ZFPM2: variants seen among roughly 807,000 people sequenced by gnomAD.
ZFPM2 encodes zinc finger protein, FOG family member 2.
In ZFPM2, 20 loss-of-function variants were observed where a neutral mutation model predicts 98.6. That is an observed-to-expected ratio of 0.20 (90% CI 0.14 to 0.29). The LOEUF (loss-of-function observed/expected upper bound fraction) is 0.29. ZFPM2 is among the 10% of genes least tolerant of loss of function. The pLI, the probability that ZFPM2 is intolerant of heterozygous loss-of-function variation, is 1.00. For synonymous variants in ZFPM2, 518 were observed against 502.7 expected (o/e 1.03, Z -0.41); for missense variants, 1,310 against 1,388.6 (o/e 0.94, Z 0.90).
At chr8:105,468,316 C>T (rs1812832374) in intron 3 of ZFPM2, among the ~76,000 whole-genome samples, 1 of 152,056 alleles carries the variant, frequency 6.6e-6, no homozygotes, top group Admixed American at 6.6e-5. Context: ...GTGGCCATTA[C>T]CCCTGTAACC....
chr8:105,492,226 A>C (rs1813369309), intron 3 of ZFPM2, among the ~76,000 whole-genome samples: 1 of 152,188 alleles, frequency 6.6e-6, no homozygotes, highest in East Asian at 1.9e-4. Flanking sequence ...TTAAAACACT[A>C]GTCTCCACAA....
At chr8:105,576,055 C>T (rs141642993) in intron 4 of ZFPM2, among the ~76,000 whole-genome samples, 307 of 152,200 alleles carry the variant, frequency 2.0e-3, no homozygotes, top group Non-Finnish European at 3.4e-3. Flanking sequence ...GCTTTAGAAA[C>T]GGATCTGCTA....
chr8:105,509,884 A>T (rs11985472), intron 3 of ZFPM2, among the ~76,000 whole-genome samples: 61 of 152,314 alleles, frequency 4.0e-4, no homozygotes, highest in African/African-American at 1.5e-3. Context: ...AAACACGAGG[A>T]TTTATTTTTC....
At chr8:105,394,893 T>G (rs1811190581) in intron 1 of ZFPM2, among the ~76,000 whole-genome samples, 1 of 152,216 alleles carries the variant, frequency 6.6e-6, no homozygotes, top group Non-Finnish European at 1.5e-5. Flanking sequence ...AAACAAGGGA[T>G]GCCTGTTTGT....
intron 3 of ZFPM2, among the ~76,000 whole-genome samples, chr8:105,557,885 C>T (rs1815035514): frequency 6.6e-6 from 1 of 152,140 alleles, no homozygotes; most frequent in Non-Finnish European, 1.5e-5. Context: ...TGCCCTTCTA[C>T]TTCTCATAAT....
intron 4 of ZFPM2, among the ~76,000 whole-genome samples, chr8:105,588,118 T>G (rs543084460): frequency 2.0e-4 from 30 of 152,292 alleles, no homozygotes; most frequent in South Asian, 1.5e-3. Flanking sequence ...GCATTTATAA[T>G]AAAATATTGT....
intron 2 of ZFPM2, among the ~76,000 whole-genome samples, chr8:105,427,814 C>CT (rs1811944910): frequency 6.6e-6 from 1 of 152,316 alleles, no homozygotes; most frequent in African/African-American, 2.4e-5. Flanking sequence ...GTTTCAGCTT[C>CT]TTTTTTGTCA....
chr8:105,352,018 G>T lies in ZFPM2; in HGVS notation c.40+33037G>T, dbSNP rs556963901. On this transcript the variant is annotated intron_variant, in intron 1 of 7. Coordinates refer to ENST00000407775, the MANE Select transcript of ZFPM2 (RefSeq NM_012082.4). The stretch of plus-strand genomic sequence containing the variant: ...CCAGAATCTTGAGAGGGGCACCCAG[G>T]ATTCAGGGTTTTAAGATGCCCTGCA... 3.3e-5 allele frequency among the ~76,000 whole-genome samples: 5 copies of T among 152,256 alleles called. No individual in the cohort carries two copies. The East Asian group carries it at 9.7e-4, about 29-fold the overall frequency.
intron 5 of ZFPM2, among the ~76,000 whole-genome samples, chr8:105,781,585 G>T (rs1360083671): frequency 6.6e-6 from 1 of 152,080 alleles, no homozygotes; most frequent in East Asian, 1.9e-4. Context: ...GCTGGGAGTG[G>T]TAGCACATGC....
At chr8:105,441,430 A>AG (rs1193793887) in intron 2 of ZFPM2, among the ~76,000 whole-genome samples, 9 of 103,220 alleles carry the variant, frequency 8.7e-5, no homozygotes, top group African/African-American at 4.4e-4. Context: ...AAAAGAAAGA[A>AG]AGAAAGAGAG....
At chr8:105,594,621 A>G (rs1815924502) in intron 4 of ZFPM2, among the ~76,000 whole-genome samples, 1 of 152,050 alleles carries the variant, frequency 6.6e-6, no homozygotes, top group East Asian at 1.9e-4. Context: ...ACATGAGAAA[A>G]CTGAGGTTTC....
chr8:105,764,338 ACT>A (rs1264772991), intron 5 of ZFPM2, among the ~76,000 whole-genome samples: 1 of 151,098 alleles, frequency 6.6e-6, no homozygotes, highest in Non-Finnish European at 1.5e-5. Context: ...ATTTGGAAAT[ACT>A]CAAAATCAAA....
chr8:105,754,661 AAG>A (rs1437851355), intron 5 of ZFPM2, among the ~76,000 whole-genome samples: 4 of 150,228 alleles, frequency 2.7e-5, no homozygotes, highest in African/African-American at 1.0e-4. Flanking sequence ...TGTGAATTGT[AAG>A]AGAAAAGTAG....
chr8:105,437,781 G>A (rs1465110326), intron 2 of ZFPM2, among the ~76,000 whole-genome samples: 2 of 152,102 alleles, frequency 1.3e-5, no homozygotes, highest in African/African-American at 4.8e-5. Flanking sequence ...GGTGGCTCAC[G>A]CCTGTAATCC....
rs529638639 is a variant in ZFPM2, at chr8:105,596,078, G to T, written c.420+34597G>T. 2.0e-5 allele frequency among the ~76,000 whole-genome samples: 3 copies of T among 151,164 alleles called. No individual in the cohort carries two copies. The South Asian group carries it at 6.3e-4, about 32-fold the overall frequency. ...TAAAGTTACCAAAATAAAGTGTTTTGTTATTTAGTAGACACTACTTCTGTG... is the reference window on the plus strand; with the variant it reads ...TAAAGTTACCAAAATAAAGTGTTTTTTTATTTAGTAGACACTACTTCTGTG... On this transcript the variant is annotated intron_variant, in intron 4 of 7. Coordinates refer to ENST00000407775, the MANE Select transcript of ZFPM2 (RefSeq NM_012082.4).
intron 1 of ZFPM2, chr8:105,319,618 T>C: frequency 6.5e-6 from 1 of 152,748 alleles, no homozygotes; most frequent in Non-Finnish European, 1.5e-5. Context: ...TGGCAGGTCG[T>C]GTCCTGGGAC....
intron 5 of ZFPM2, among the ~76,000 whole-genome samples, chr8:105,656,717 TATC>T (rs778336730): frequency 6.6e-6 from 1 of 152,226 alleles, no homozygotes; most frequent in Non-Finnish European, 1.5e-5. Flanking sequence ...AGGAGCCTAT[TATC>T]ATGTTTGCTT....
chr8:105,427,967 G>C (rs1455211970), intron 2 of ZFPM2, among the ~76,000 whole-genome samples: 1 of 152,150 alleles, frequency 6.6e-6, no homozygotes, highest in Admixed American at 6.5e-5. Context: ...TCAGCTTACT[G>C]TCCTACACGG....
chr8:105,587,162 A>C (rs949789532), intron 4 of ZFPM2, among the ~76,000 whole-genome samples: 1 of 151,164 alleles, frequency 6.6e-6, no homozygotes, highest in Non-Finnish European at 1.5e-5. Flanking sequence ...CTGTAGTCCC[A>C]GCTACTCGGG....
Sources: allele counts gnomAD v4.1 joint callset (sites outside exome capture counted in the v4.1 genomes callset), GRCh38; gene constraint gnomAD v4.1.1; transcripts MANE v1.5; gene names NCBI Gene and HGNC (gene_info 2026-07-23, HGNC 2026-07-21).